HORMAD2: variants seen among roughly 807,000 people sequenced by gnomAD.
The protein encoded by HORMAD2 is HORMA domain containing 2.
Under a neutral mutation model 38.8 loss-of-function variants are expected in HORMAD2, and 45 were observed. That is an observed-to-expected ratio of 1.16 (90% CI 0.91 to 1.49). The LOEUF (loss-of-function observed/expected upper bound fraction) is 1.49. Among genes scored for constraint, HORMAD2 ranks in the 40% most tolerant of loss-of-function variants. The probability of loss-of-function intolerance (pLI) is 0.00; values close to 1 mark genes in which losing one functional copy is unlikely to be tolerated. For missense variants in HORMAD2, 338 were observed against 367.0 expected, an observed-to-expected ratio of 0.92 and a Z score of 0.65; for synonymous variants, 126 against 122.8, an observed-to-expected ratio of 1.03 and a Z score of -0.17.
At chr22:30,091,760 C>T (rs1337253895) in intron 1 of HORMAD2, among the ~76,000 whole-genome samples, 3 of 152,174 alleles carry the variant, frequency 2.0e-5, no homozygotes, top group Admixed American at 1.3e-4. Context: ...TGAGGACCTT[C>T]CATACTGTTT....
chr22:30,126,994 A>G (rs1922912701), intron 10 of HORMAD2, among the ~76,000 whole-genome samples: 1 of 151,976 alleles, frequency 6.6e-6, no homozygotes, highest in South Asian at 2.1e-4. Flanking sequence ...GCCATGTTGA[A>G]TATTTTCTTT....
At chr22:30,195,233 T>C in the HORMAD2 span, among the ~76,000 whole-genome samples, 1 of 149,914 alleles carries the variant, frequency 6.7e-6, no homozygotes, top group African/African-American at 2.5e-5. Context: ...GTAAACAACA[T>C]TGATTTTCTT....
intron 10 of HORMAD2, among the ~76,000 whole-genome samples, chr22:30,139,955 C>CTGTGTG (rs36099958): frequency 8.7e-5 from 13 of 150,260 alleles, no homozygotes; most frequent in South Asian, 2.1e-4. Flanking sequence ...GTACGTGTAT[C>CTGTGTG]TGTGTGTGTG....
chr22:30,105,199 GA>G, intron 5 of HORMAD2: 1 of 161,928 alleles, frequency 6.2e-6, no homozygotes, highest in Non-Finnish European at 1.4e-5. Context: ...TGATGAACTT[GA>G]AGGCCCTTTT....
At chr22:30,122,292 C>A in intron 10 of HORMAD2, 78 bp downstream of exon 10, 2 of 1,355,030 alleles carry the variant, frequency 1.5e-6, no homozygotes, top group South Asian at 1.5e-5. Context: ...CCAGGGCATG[C>A]ACGTGGAGTG....
chr22:30,205,228 G>GGT, the HORMAD2 span, among the ~76,000 whole-genome samples: 8 of 152,020 alleles, frequency 5.3e-5, no homozygotes, highest in Admixed American at 3.3e-4. Context: ...GGTCAGAGAG[G>GGT]GTGTGTGTGT....
In HORMAD2 at chr22:30,104,409, G is replaced by A. The variant is rs1031754088; in HGVS notation, c.266G>A (p.Gly89Asp). ...GSLHIIRWIQ[G>D]CFDALEKRYL... is the part of the protein sequence containing the mutation. ...CATTTATTTCTTGACAGGATTCAAG[G>A]TTGTTTTGATGCTTTGGAAAAGAGA... Residue 89 changes from glycine to aspartate, a missense_variant, in exon 5 of 11, where the codon GGT (glycine) becomes GAT (aspartate). By Grantham distance (94) the Gly-to-Asp change is moderately conservative. Transcript: ENST00000336726. 3.1e-6 allele frequency: 5 copies of A among 1,610,888 alleles called. No homozygotes were observed. In the African/African-American group the frequency reaches 5.3e-5, roughly 17 times the overall value.
At chr22:30,121,880 G>A in intron 9 of HORMAD2, 84 bp from the exon 10 acceptor site, 1 of 1,544,480 alleles carries the variant, frequency 6.5e-7, no homozygotes, top group Non-Finnish European at 8.7e-7. Context: ...TGAAAGAGAA[G>A]TCTGTTGCTA....
chr22:30,120,702 C>T (rs746919368), intron 8 of HORMAD2, among the ~76,000 whole-genome samples: 1 of 152,116 alleles, frequency 6.6e-6, no homozygotes, highest in Non-Finnish European at 1.5e-5. Flanking sequence ...AAAGATATAG[C>T]CACTCACAGT....
At chr22:30,175,701 T>G (rs534138614) in intron 10 of HORMAD2, among the ~76,000 whole-genome samples, 1 of 152,132 alleles carries the variant, frequency 6.6e-6, no homozygotes, top group Non-Finnish European at 1.5e-5. Flanking sequence ...GGACTTAAAT[T>G]ACATTTGCCT....
At chr22:30,130,821 G>C (rs2146151700) in intron 10 of HORMAD2, among the ~76,000 whole-genome samples, 1 of 151,628 alleles carries the variant, frequency 6.6e-6, no homozygotes, top group Admixed American at 6.6e-5. Context: ...CAACTCCTGA[G>C]CTCAAGCAAC....
At chr22:30,119,221 G>C (rs1388983351) in intron 8 of HORMAD2, among the ~76,000 whole-genome samples, 174 bp downstream of exon 8, 1 of 152,184 alleles carries the variant, frequency 6.6e-6, no homozygotes, top group Non-Finnish European at 1.5e-5. Flanking sequence ...GAAATCCATG[G>C]ATTAAGCTGG....
At chr22:30,182,395 G>A in the HORMAD2 span, among the ~76,000 whole-genome samples, 4 of 152,198 alleles carry the variant, frequency 2.6e-5, no homozygotes, top group South Asian at 2.1e-4. Context: ...AGTATGTGGA[G>A]GGAGGTCCTT....
chr22:30,170,308 G>A (rs1926031190), intron 10 of HORMAD2, among the ~76,000 whole-genome samples: 1 of 152,032 alleles, frequency 6.6e-6, no homozygotes, highest in African/African-American at 2.4e-5. Flanking sequence ...GGCTGCCTGG[G>A]GCTGCCCTCT....
the HORMAD2 span, among the ~76,000 whole-genome samples, chr22:30,193,271 A>C: frequency 6.6e-6 from 1 of 152,180 alleles, no homozygotes; most frequent in Non-Finnish European, 1.5e-5. Context: ...TAAACATATC[A>C]TGTCACTATG....
chr22:30,106,160 A>G (rs1352633362), intron 5 of HORMAD2, among the ~76,000 whole-genome samples: 1 of 152,052 alleles, frequency 6.6e-6, no homozygotes, highest in African/African-American at 2.4e-5. Flanking sequence ...ACAGAAATGC[A>G]CCACCACACT....
At chr22:30,177,715 C>CTTTTTTTTTTTTTTT, downstream of HORMAD2, among the ~76,000 whole-genome samples, 1 of 94,876 alleles carries the variant, frequency 1.1e-5, no homozygotes, top group Non-Finnish European at 2.0e-5. Flanking sequence ...TAAGGAGGAG[C>CTTTTTTTTTTTTTTT]TTTTTTTTTT....
At chr22:30,079,651 G>A (rs767939796), upstream of HORMAD2, among the ~76,000 whole-genome samples, 3 of 151,874 alleles carry the variant, frequency 2.0e-5, no homozygotes, top group Non-Finnish European at 4.4e-5. Context: ...GACTACAGGC[G>A]CACGTCAGGT....
downstream of HORMAD2, among the ~76,000 whole-genome samples, chr22:30,178,084 G>A (rs1475799841): frequency 6.6e-6 from 1 of 152,134 alleles, no homozygotes; most frequent in Non-Finnish European, 1.5e-5. Context: ...TGAACACAGA[G>A]GAGCTTCACA....
Sources: allele counts gnomAD v4.1 joint callset (sites outside exome capture counted in the v4.1 genomes callset), GRCh38; gene constraint gnomAD v4.1.1; transcripts MANE v1.5; gene names NCBI Gene and HGNC (gene_info 2026-07-23, HGNC 2026-07-21).